Variants in KCNK3 observed in about 807,000 individuals in gnomAD.
The protein encoded by KCNK3 is potassium channel subfamily K member 3.
A neutral mutation model predicts 27.3 loss-of-function variants in KCNK3; 9 were observed. That is an observed-to-expected ratio of 0.33 (90% CI 0.20 to 0.57). KCNK3 has a LOEUF of 0.57. Among genes scored for constraint, KCNK3 ranks in the 20% least tolerant of loss-of-function variants. The pLI, the probability that KCNK3 is intolerant of heterozygous loss-of-function variation, is 0.87. For synonymous variants in KCNK3, 278 were observed against 273.8 expected, an observed-to-expected ratio of 1.02 and a Z score of -0.15; for missense variants, 391 against 577.7, an observed-to-expected ratio of 0.68 and a Z score of 3.31.
intron 1 of KCNK3, 131 bp from the exon 2 acceptor site, chr2:26,727,536 G>A (rs1558604467): frequency 4.2e-6 from 5 of 1,192,942 alleles, no homozygotes; most frequent in South Asian, 1.5e-5. Flanking sequence ...TGGGGATAAG[G>A]AGCGCCCATC....
intron 1 of KCNK3, among the ~76,000 whole-genome samples, chr2:26,726,098 CACACACACAG>C (rs1038364975): frequency 1.9e-5 from 2 of 108,014 alleles, no homozygotes; most frequent in African/African-American, 9.0e-5. Flanking sequence ...CACACACACA[CACACACACAG>C]AGAGAGAGAG....
At position 26,708,985 on chromosome 2, in the gene KCNK3, A is replaced by G. The variant is rs559230477; in HGVS notation, c.283+15827A>G. Among the ~76,000 whole-genome samples, 3 of 152,302 alleles carry G rather than the reference A, an allele frequency of 2.0e-5. No homozygotes were observed. In the South Asian group the frequency reaches 6.2e-4, roughly 32 times the overall value. ...ATGTTTGAGAGGCAGAGGAGACAGCACTGGCTGATGGGTACGATACATATG... is the reference window on the plus strand; with the variant it reads ...ATGTTTGAGAGGCAGAGGAGACAGCGCTGGCTGATGGGTACGATACATATG... On this transcript the variant is annotated intron_variant, in intron 1 of 1. Transcript: ENST00000302909.
rs188487241 is a variant in KCNK3, at chr2:26,726,158, C to A, written c.284-1509C>A. Among the ~76,000 whole-genome samples, 24 of 149,938 alleles carry A rather than the reference C, an allele frequency of 1.6e-4. No homozygotes were observed. In the East Asian group the frequency reaches 4.7e-3, roughly 29 times the overall value. On this transcript the variant is annotated intron_variant, in intron 1 of 1. Coordinates refer to ENST00000302909, the MANE Select transcript of KCNK3 (RefSeq NM_002246.3). ...AGAGAGAGAGACAGTAAGTCCAGGA[C>A]AGAGTCACACAGTATCCTGCCTTGC... is the stretch of plus-strand genomic sequence containing the variant.
chr2:26,713,670 A>G (rs1449969236), intron 1 of KCNK3, among the ~76,000 whole-genome samples: 16 of 151,874 alleles, frequency 1.1e-4, no homozygotes, highest in Admixed American at 1.0e-3. Flanking sequence ...TGGGAGGCTG[A>G]GGCAGGAGAA....
intron 1 of KCNK3, among the ~76,000 whole-genome samples, chr2:26,706,769 C>T (rs986465601): frequency 2.6e-5 from 4 of 152,158 alleles, no homozygotes; most frequent in African/African-American, 9.7e-5. Context: ...CCAGTGAACT[C>T]GTAGAGGCAG....
In KCNK3 at chr2:26,693,732, T is replaced by C. The variant is rs973142423; in HGVS notation, c.283+574T>C. On this transcript the variant is annotated intron_variant, in intron 1 of 1. Coordinates refer to ENST00000302909, the MANE Select transcript of KCNK3 (RefSeq NM_002246.3). This position sits in a 1 kb window ranked among gnomAD's most constrained non-coding sequence, Gnocchi z 5.5. ...CGCCACCAGTCAGTGCCTGTGATTT[T>C]CTCAGAGCGGCAGAATTGGTGCGGG... 6.6e-6 allele frequency among the ~76,000 whole-genome samples: 1 copy of C among 152,176 alleles called. No homozygotes were observed. Among genetic ancestry groups the C allele is most frequent in the Admixed American group, 6.5e-5 (1 of 15,284 alleles).
At chr2:26,720,133 T>C (rs189752305) in intron 1 of KCNK3, among the ~76,000 whole-genome samples, 7 of 152,326 alleles carry the variant, frequency 4.6e-5, no homozygotes, top group East Asian at 1.9e-4. Flanking sequence ...TTCACACCTG[T>C]AGTCACAGCT....
chr2:26,705,071 C>A (rs1369217911), intron 1 of KCNK3, among the ~76,000 whole-genome samples: 4 of 152,052 alleles, frequency 2.6e-5, no homozygotes, highest in Non-Finnish European at 4.4e-5. Context: ...CTCAAATGAC[C>A]CTCCCACCTC....
chr2:26,710,087 C>G (rs1304417462), intron 1 of KCNK3, among the ~76,000 whole-genome samples: 1 of 152,220 alleles, frequency 6.6e-6, no homozygotes, highest in South Asian at 2.1e-4. Context: ...CTGGGCCCCA[C>G]GTCCCTCCCA....
intron 1 of KCNK3, among the ~76,000 whole-genome samples, chr2:26,694,456 G>T (rs1050962090): frequency 1.3e-5 from 2 of 152,152 alleles, no homozygotes; most frequent in African/African-American, 4.8e-5. Context: ...TAAAAGGCAG[G>T]ACTAGACACT....
Position 26,721,443 on chromosome 2 carries a change from G to T in KCNK3, c.284-6224G>T, listed in dbSNP as rs1013938101. On this transcript the variant is annotated intron_variant, in intron 1 of 1. Transcript: ENST00000302909. The surrounding 1 kb of genome is among the most constrained non-coding windows in gnomAD (Gnocchi z 4.3). ...TGGGCACAGAAGCTAGGCTCCTTCC[G>T]CCTCATCTCCTTTAACATGCCAATT... Among the ~76,000 whole-genome samples the T allele has an allele frequency of 6.6e-6, 1 of 152,076 alleles. No individual in the cohort carries two copies. The highest frequency in any genetic ancestry group is 2.4e-5 in the African/African-American group (1 of 41,396).
In KCNK3 at chr2:26,699,207, G is replaced by GAGAAAGAAAGAAAGAAAGAAAGAAAGAA. The variant is rs1553384397; in HGVS notation, c.283+6068_283+6095dup. On this transcript the variant is annotated intron_variant, in intron 1 of 1. Transcript: ENST00000302909. ...AAAAAAAAAAAAGGAAGGAAAGAGAGAGAAAGAAAGAAAGAAAGAAAGAAA... is the reference window on the plus strand; with the variant it reads ...AAAAAAAAAAAAGGAAGGAAAGAGAGAGAAAGAAAGAAAGAAAGAAAGAAAGAAAGAAAGAAAGAAAGAAAGAAAGAAA... Among the ~76,000 whole-genome samples the GAGAAAGAAAGAAAGAAAGAAAGAAAGAA allele has an allele frequency of 9.2e-4, 121 of 131,042 alleles. 1 individual carries two copies. Among genetic ancestry groups the GAGAAAGAAAGAAAGAAAGAAAGAAAGAA allele is most frequent in the Middle Eastern group, 4.0e-3 (1 of 252 alleles). 86.0% of individuals were successfully genotyped at this position (131,042 alleles called of 152,430 possible). A position where few individuals can be genotyped will look rare whatever the true frequency, so the allele number is the denominator to read the frequency against.
chr2:26,715,593 C>A (rs1420637861), intron 1 of KCNK3, among the ~76,000 whole-genome samples: 1 of 152,202 alleles, frequency 6.6e-6, no homozygotes, highest in Non-Finnish European at 1.5e-5. Flanking sequence ...GGTACCAACA[C>A]GATTCCCAAA....
chr2:26,692,902 G>A lies in KCNK3; in HGVS notation c.27G>A (p.Leu9=). The A allele has an allele frequency of 6.7e-7, 1 of 1,488,114 alleles. No individual in the cohort carries two copies. The allele number at this position is 1,488,114 out of a possible 1,614,324, so 92.2% of individuals were successfully genotyped here. ...TGAAGCGGCAGAACGTGCGCACGCT[G>A]GCGCTCATCGTGTGCACCTTCACCT... MKRQNVRT[L]ALIVCTFTYL... Residue 9 remains leucine (L), a synonymous_variant, in exon 1 of 2, where the codon CTG becomes CTA. Coordinates refer to ENST00000302909, the MANE Select transcript of KCNK3 (RefSeq NM_002246.3). This position sits in a 1 kb window ranked among gnomAD's most constrained non-coding sequence, Gnocchi z 5.6.
intron 1 of KCNK3, among the ~76,000 whole-genome samples, chr2:26,705,582 G>A (rs571135242): frequency 4.9e-4 from 74 of 152,244 alleles, no homozygotes; most frequent in African/African-American, 1.7e-3. Context: ...AAGTGCCCTT[G>A]CCCCCTTGAC....
At chr2:26,707,375 G>A (rs1163792535) in intron 1 of KCNK3, among the ~76,000 whole-genome samples, 1 of 152,210 alleles carries the variant, frequency 6.6e-6, no homozygotes, top group African/African-American at 2.4e-5. Flanking sequence ...ACACAGTTTT[G>A]TTGCACCCCA....
chr2:26,698,547 A>ATTG (rs1276117126), intron 1 of KCNK3, among the ~76,000 whole-genome samples: 1 of 152,222 alleles, frequency 6.6e-6, no homozygotes, highest in Non-Finnish European at 1.5e-5. Flanking sequence ...TGCCATTATT[A>ATTG]TTGTTATTAA....
intron 1 of KCNK3, among the ~76,000 whole-genome samples, chr2:26,699,245 GAAAGAA>G (rs1558594818): frequency 0.012 from 1,804 of 150,642 alleles, 37 homozygotes; most frequent in African/African-American, 0.042. Context: ...AAGAAAGAAA[GAAAGAA>G]AGCCAGCCAA....
At chr2:26,724,832 T>C (rs553336553) in intron 1 of KCNK3, among the ~76,000 whole-genome samples, 2 of 152,210 alleles carry the variant, frequency 1.3e-5, no homozygotes, top group East Asian at 1.9e-4. Context: ...AGCTAGGTCT[T>C]TGTGGGCTGG....
Sources: allele counts gnomAD v4.1 joint callset (sites outside exome capture counted in the v4.1 genomes callset), GRCh38; gene constraint gnomAD v4.1.1; non-coding constraint Gnocchi (gnomAD v3.1); transcripts MANE v1.5; gene names NCBI Gene and HGNC (gene_info 2026-07-23, HGNC 2026-07-21).